ADGRF3: variants seen among roughly 807,000 people sequenced by gnomAD.
ADGRF3 encodes G protein-coupled receptor 113.
ADGRF3 carries 85 observed loss-of-function variants against 93.2 expected under a neutral mutation model. The ratio of observed to expected loss-of-function variants is 0.91; its 90% CI spans 0.77 to 1.09. ADGRF3 has a LOEUF of 1.09. ADGRF3 is among the 50% of genes least tolerant of loss of function. ADGRF3 has a pLI of 0.00. For synonymous variants in ADGRF3, 534 were observed against 532.5 expected, an observed-to-expected ratio of 1.00 and a Z score of -0.04; for missense variants, 1,125 against 1,246.2, an observed-to-expected ratio of 0.90 and a Z score of 1.46.
At chr2:26,320,445 GA>G (rs1675085612) in intron 1 of ADGRF3, among the ~76,000 whole-genome samples, 1 of 152,142 alleles carries the variant, frequency 6.6e-6, no homozygotes, top group Non-Finnish European at 1.5e-5. Context: ...GCAGTGAGCT[GA>G]AATTGCACCA....
At chr2:26,335,313 T>TACA (rs1675977867) in intron 1 of ADGRF3, among the ~76,000 whole-genome samples, 1 of 152,258 alleles carries the variant, frequency 6.6e-6, no homozygotes, top group African/African-American at 2.4e-5. Flanking sequence ...TGTGTCTGGC[T>TACA]TCTTTCACTT....
In ADGRF3 at chr2:26,310,684, TC is replaced by T; in HGVS notation, c.2832+7del. On this transcript the variant is annotated splice_region_variant and intron_variant, in intron 10 of 13. Coordinates refer to ENST00000651242, the MANE Select transcript of ADGRF3 (RefSeq NM_001321971.2). ...AGCAAAAAACACAGCCACCCCCCTA[TC>T]ACCTACCTGGAGGGTGTTGAGAATG... 1.9e-6 allele frequency: 3 copies of T among 1,606,624 alleles called. No homozygotes were observed. Among genetic ancestry groups the T allele is most frequent in the Non-Finnish European group, 1.7e-6 (2 of 1,176,518 alleles).
At chr2:26,342,772 G>A (rs1481602393) in intron 1 of ADGRF3, among the ~76,000 whole-genome samples, 3 of 152,190 alleles carry the variant, frequency 2.0e-5, no homozygotes, top group Non-Finnish European at 2.9e-5. Flanking sequence ...AAAGCAGTCC[G>A]GGGCAGCTGG....
In ADGRF3 at chr2:26,314,325, T is replaced by C. The variant is rs1574703895; in HGVS notation, c.928+89A>G. The C allele has an allele frequency of 3.2e-6, 4 of 1,254,534 alleles. No homozygotes were observed. The East Asian group carries it at 9.7e-5, about 30-fold the overall frequency. The allele number at this position is 1,254,534 out of a possible 1,614,324, so 77.7% of individuals were successfully genotyped here. ...CACTCTCTGGTTGAACTGTGGCCTC[T>C]GTTTCTCATGAGCTGAAGACCCAGC... On this transcript the variant is annotated intron_variant, in intron 6 of 13. Transcript: ENST00000651242.
At chr2:26,314,294 G>A (rs1674454566) in intron 6 of ADGRF3, 120 bp downstream of exon 6, 1 of 913,256 alleles carries the variant, frequency 1.1e-6, no homozygotes, top group Non-Finnish European at 1.6e-6. Flanking sequence ...TGTTGGCCTT[G>A]GACCCCACTC....
chr2:26,310,921 A>G lies in ADGRF3; in HGVS notation c.2603T>C (p.Ile868Thr). 1 of 1,613,180 alleles carries G rather than the reference A, an allele frequency of 6.2e-7. No homozygotes were observed. The highest frequency in any genetic ancestry group is 1.1e-5 in the South Asian group (1 of 90,984). ...LYTFVGPVLA[I>T]IGVNGLVLAM... ...TAGTACCAGCCCATTCACGCCTATG[A>G]TGGCCAGCACTGGCCCCACGAAGGT... The change falls in exon 10 of 14, where the codon ATC (isoleucine) becomes ACC (threonine). Residue 868 changes from isoleucine to threonine, a missense_variant. Ile to Thr is a moderately conservative substitution (Grantham distance 89, BLOSUM62 -1). Coordinates refer to ENST00000651242, the MANE Select transcript of ADGRF3 (RefSeq NM_001321971.2).
intron 1 of ADGRF3, chr2:26,345,865 C>G (rs187499211): frequency 3.0e-5 from 15 of 494,242 alleles, no homozygotes; most frequent in South Asian, 1.6e-4. Flanking sequence ...CTTTCACCCC[C>G]TCTCTTGCCT....
At chr2:26,322,981 C>CA (rs1250359642) in intron 1 of ADGRF3, among the ~76,000 whole-genome samples, 1 of 151,434 alleles carries the variant, frequency 6.6e-6, no homozygotes, top group Non-Finnish European at 1.5e-5. Flanking sequence ...ACTAAAAATA[C>CA]AAAAAAAATT....
intron 1 of ADGRF3, among the ~76,000 whole-genome samples, chr2:26,331,485 G>T (rs1335316821): frequency 6.6e-6 from 1 of 152,158 alleles, no homozygotes; most frequent in Admixed American, 6.5e-5. Context: ...AGGGGCAGAG[G>T]TTGCAGTGAG....
At chr2:26,325,507 G>A (rs1207360139) in intron 1 of ADGRF3, among the ~76,000 whole-genome samples, 1 of 152,186 alleles carries the variant, frequency 6.6e-6, no homozygotes, top group Non-Finnish European at 1.5e-5. Flanking sequence ...GGACTGTTCA[G>A]AAAACCCTGC....
chr2:26,318,286 A>T (rs936634626), intron 1 of ADGRF3, among the ~76,000 whole-genome samples: 1 of 152,224 alleles, frequency 6.6e-6, no homozygotes, highest in Non-Finnish European at 1.5e-5. Flanking sequence ...TGATATAGAT[A>T]CGAGTATGGA....
chr2:26,317,890 G>C, intron 1 of ADGRF3: 1 of 792,000 alleles, frequency 1.3e-6, no homozygotes, highest in Admixed American at 2.1e-5. Flanking sequence ...AGCGGAGCTG[G>C]ACATTGCTGG....
intron 1 of ADGRF3, among the ~76,000 whole-genome samples, chr2:26,324,134 C>G (rs1009793514): frequency 6.6e-6 from 1 of 152,076 alleles, no homozygotes; most frequent in Non-Finnish European, 1.5e-5. Context: ...GCTTGTAATC[C>G]CAGCTACATG....
intron 1 of ADGRF3, among the ~76,000 whole-genome samples, chr2:26,326,551 TAATGATGA>T (rs1675443954): frequency 1.3e-5 from 2 of 152,276 alleles, no homozygotes; most frequent in African/African-American, 4.8e-5. Flanking sequence ...AAACTTCATT[TAATGATGA>T]AATATACAAG....
chr2:26,345,215 G>A (rs1676640504), intron 1 of ADGRF3, among the ~76,000 whole-genome samples: 1 of 152,160 alleles, frequency 6.6e-6, no homozygotes. Context: ...TCTCCCCACA[G>A]AAGGCGCTCA....
Position 26,313,394 on chromosome 2 carries a change from A to G in ADGRF3, c.1252T>C (p.Leu418=), listed in dbSNP as rs149915740. The G allele has an allele frequency of 3.8e-6, 6 of 1,596,970 alleles. No homozygotes were observed. The African/African-American group carries it at 8.1e-5, about 21-fold the overall frequency. The part of the protein sequence containing the change: ...SSCTDARLLA[L]FTRTKLLQAG... ...AGCTTCACCTTGGTTCTAGTGAACAAGGCCAGGAGCCTCGCATCTGTGCAG... is the reference window on the plus strand; with the variant it reads ...AGCTTCACCTTGGTTCTAGTGAACAGGGCCAGGAGCCTCGCATCTGTGCAG... Residue 418 remains leucine (L), a synonymous_variant, in exon 8 of 14, where the codon TTG becomes CTG. Transcript: ENST00000651242.
At chr2:26,329,866 C>G (rs549772232) in intron 1 of ADGRF3, among the ~76,000 whole-genome samples, 1 of 152,124 alleles carries the variant, frequency 6.6e-6, no homozygotes, top group Non-Finnish European at 1.5e-5. Context: ...GTAATAGGTA[C>G]TTTAATGTCT....
At chr2:26,337,220 C>T (rs56217498) in intron 1 of ADGRF3, among the ~76,000 whole-genome samples, 6,797 of 152,288 alleles carry the variant, frequency 0.045, 254 homozygotes, top group African/African-American at 0.1. Context: ...ATCTATTTCT[C>T]CTTCGTGACT....
In ADGRF3 at chr2:26,313,043, G is replaced by T. The variant is rs1032676014; in HGVS notation, c.1349C>A (p.Ala450Glu). Residue 450 changes from alanine to glutamate, a missense_variant, in exon 9 of 14, where the codon GCA becomes GAA. Physicochemically the swap from Ala to Glu is moderately radical, Grantham distance 107. Coordinates refer to ENST00000651242, the MANE Select transcript of ADGRF3 (RefSeq NM_001321971.2). ...LAQLPGQAAE[A>E]SSPSDLLTLL... is the part of the protein sequence containing the mutation. ...GGTCAGTAAGTCGGAGGGTGAACTT[G>T]CCTCTGCCGCCTGCCCTGGCAGCTG... is the stretch of plus-strand genomic sequence containing the variant. 2 of 1,614,058 alleles carry T rather than the reference G, an allele frequency of 1.2e-6. No individual in the cohort carries two copies. Among genetic ancestry groups the T allele is most frequent in the Non-Finnish European group, 1.7e-6 (2 of 1,179,896 alleles).
Sources: allele counts gnomAD v4.1 joint callset (sites outside exome capture counted in the v4.1 genomes callset), GRCh38; gene constraint gnomAD v4.1.1; transcripts MANE v1.5; gene names NCBI Gene and HGNC (gene_info 2026-07-23, HGNC 2026-07-21).